The following ZBTB20 variants were observed in gnomAD, a reference collection of about 807,000 sequenced individuals.
ZBTB20 encodes the protein zinc finger and BTB domain containing 20.
A neutral mutation model predicts 56.9 loss-of-function variants in ZBTB20; 9 were observed. The observed-to-expected ratio is 0.16, with a 90% CI of 0.10 to 0.28. The LOEUF (loss-of-function observed/expected upper bound fraction) is 0.28. ZBTB20 is among the 10% of genes least tolerant of loss of function. ZBTB20 has a pLI of 1.00. For missense variants in ZBTB20, 655 were observed against 1,003.0 expected, an observed-to-expected ratio of 0.65 and a Z score of 4.69; for synonymous variants, 417 against 420.7, an observed-to-expected ratio of 0.99 and a Z score of 0.11.
intron 11 of ZBTB20, among the ~76,000 whole-genome samples, chr3:114,346,087 G>C (rs915991770): frequency 2.0e-5 from 3 of 152,210 alleles, no homozygotes; most frequent in African/African-American, 7.2e-5. Context: ...TCCGTGGTTT[G>C]TTTAGCAGTG....
intron 4 of ZBTB20, among the ~76,000 whole-genome samples, chr3:114,879,829 C>T (rs1030740809): frequency 1.4e-4 from 21 of 152,262 alleles, no homozygotes; most frequent in African/African-American, 5.1e-4. Context: ...ATCACCTGTG[C>T]TGGAGGTGGT....
intron 2 of ZBTB20, among the ~76,000 whole-genome samples, chr3:115,035,238 T>G (rs1165405801): frequency 6.6e-6 from 1 of 151,926 alleles, no homozygotes; most frequent in Non-Finnish European, 1.5e-5. Context: ...AATTAAAAAT[T>G]AAATGCACCT....
intron 4 of ZBTB20, among the ~76,000 whole-genome samples, chr3:114,881,917 T>A (rs904419878): frequency 6.6e-6 from 1 of 151,806 alleles, no homozygotes; most frequent in Non-Finnish European, 1.5e-5. Context: ...TAGAAGAAAA[T>A]CTGAGTAATT....
At chr3:115,059,913 T>C (rs2081956132) in intron 2 of ZBTB20, among the ~76,000 whole-genome samples, 1 of 152,224 alleles carries the variant, frequency 6.6e-6, no homozygotes, top group South Asian at 2.1e-4. Context: ...TCTGGTTATG[T>C]TGTTACTATT....
intron 2 of ZBTB20, among the ~76,000 whole-genome samples, chr3:115,060,382 T>A (rs1458208648): frequency 6.6e-6 from 1 of 152,184 alleles, no homozygotes; most frequent in Non-Finnish European, 1.5e-5. Flanking sequence ...TTTCCCTATT[T>A]CTTTATATGC....
intron 3 of ZBTB20, among the ~76,000 whole-genome samples, chr3:114,947,101 G>A (rs1204601454): frequency 1.4e-5 from 2 of 144,360 alleles, no homozygotes; most frequent in African/African-American, 2.8e-5. Flanking sequence ...TTAAAATCAC[G>A]ATGAGAGATC....
At chr3:114,761,067 T>C (rs898520128) in intron 5 of ZBTB20, among the ~76,000 whole-genome samples, 1 of 152,184 alleles carries the variant, frequency 6.6e-6, no homozygotes, top group African/African-American at 2.4e-5. Flanking sequence ...TTGGTGTTAT[T>C]TAACATTTTG....
intron 5 of ZBTB20, chr3:114,758,914 T>A (rs932611332): frequency 6.6e-6 from 1 of 152,122 alleles, no homozygotes; most frequent in African/African-American, 2.4e-5. Context: ...GTCTGAAACA[T>A]CAGTCTATGT....
At chr3:115,020,260 T>C (rs1442211663) in intron 2 of ZBTB20, among the ~76,000 whole-genome samples, 1 of 151,230 alleles carries the variant, frequency 6.6e-6, no homozygotes, top group Non-Finnish European at 1.5e-5. Flanking sequence ...AAAATTGATA[T>C]ATGTGTGAGC....
At chr3:114,861,719 ACC>A (rs34295253) in intron 4 of ZBTB20, 23 of 17,742 alleles carry the variant, frequency 1.3e-3, no homozygotes, top group East Asian at 0.091. Flanking sequence ...ACACACACAC[ACC>A]CCCCAAAAAC....
At chr3:114,519,517 T>C (rs2046396969) in intron 6 of ZBTB20, 1 of 152,220 alleles carries the variant, frequency 6.6e-6, no homozygotes, top group Non-Finnish European at 1.5e-5. Context: ...GCCCTGCATA[T>C]TAAAATACAG....
At chr3:114,435,401 C>G (rs1173353030) in intron 7 of ZBTB20, among the ~76,000 whole-genome samples, 1 of 152,040 alleles carries the variant, frequency 6.6e-6, no homozygotes, top group African/African-American at 2.4e-5. Context: ...GATATTTTGC[C>G]CATTTTTTTT....
intron 6 of ZBTB20, among the ~76,000 whole-genome samples, chr3:114,669,213 T>C (rs774223402): frequency 2.6e-5 from 4 of 151,986 alleles, no homozygotes; most frequent in African/African-American, 4.8e-5. Context: ...CTACCCTGCA[T>C]CCCGGCAAAG....
At position 114,831,790 on chromosome 3, in the gene ZBTB20, A is replaced by G. The variant is rs546077893; in HGVS notation, c.-416-30616T>C. Among the ~76,000 whole-genome samples the G allele has an allele frequency of 5.9e-4, 90 of 151,972 alleles. 1 individual carries two copies. Among genetic ancestry groups the G allele is most frequent in the South Asian group, 2.1e-3 (10 of 4,816 alleles). ...TGTGCTTCTAGTCCCAACTCTTTCA[A>G]ACACTCCAGATGAAAGATCTTGGAC... On this transcript the variant is annotated intron_variant, in intron 4 of 11. Transcript: ENST00000675478.
rs1429591716 is a variant in ZBTB20, at chr3:114,787,422, CAT to C, written c.-343+13677_-343+13678del. 4.1e-5 allele frequency among the ~76,000 whole-genome samples: 6 copies of C among 146,878 alleles called. No homozygotes were observed. The South Asian group carries it at 1.1e-3, about 26-fold the overall frequency. ...ATATACATATATATACGTGTGTACA[CAT>C]ATATACACGTATATACACATATATA... On this transcript the variant is annotated intron_variant, in intron 5 of 11. Coordinates refer to ENST00000675478, the MANE Select transcript of ZBTB20 (RefSeq NM_001348800.3).
At chr3:114,937,208 G>T (rs750254350) in intron 3 of ZBTB20, among the ~76,000 whole-genome samples, 6 of 152,098 alleles carry the variant, frequency 3.9e-5, no homozygotes, top group Non-Finnish European at 7.4e-5. Context: ...CTTCTACAAT[G>T]GTTGAACTAA....
At chr3:115,013,023 A>T (rs1321713375) in intron 2 of ZBTB20, among the ~76,000 whole-genome samples, 1 of 151,846 alleles carries the variant, frequency 6.6e-6, no homozygotes, top group Admixed American at 6.6e-5. Context: ...AACAAATGAT[A>T]GTAAAAACAC....
At chr3:114,778,587 T>C (rs1320476911) in intron 5 of ZBTB20, among the ~76,000 whole-genome samples, 2 of 152,118 alleles carry the variant, frequency 1.3e-5, no homozygotes, top group Admixed American at 6.6e-5. Flanking sequence ...ATGAAGCTAA[T>C]AGATGTAGAC....
chr3:114,413,473 G>A (rs2088193257), intron 7 of ZBTB20, among the ~76,000 whole-genome samples: 1 of 152,104 alleles, frequency 6.6e-6, no homozygotes, highest in South Asian at 2.1e-4. Context: ...GCTATCTGGA[G>A]GAAAATAACT....
Sources: allele counts gnomAD v4.1 joint callset (sites outside exome capture counted in the v4.1 genomes callset), GRCh38; gene constraint gnomAD v4.1.1; transcripts MANE v1.5; gene names NCBI Gene and HGNC (gene_info 2026-07-23, HGNC 2026-07-21).